TMEM130: variants seen among roughly 807,000 people sequenced by gnomAD.
TMEM130 encodes transmembrane protein 130.
In TMEM130, 37 loss-of-function variants were observed where a neutral mutation model predicts 42.9. That is an observed-to-expected ratio of 0.86 (90% CI 0.66 to 1.13). TMEM130 has a LOEUF of 1.13. Among genes scored for constraint, TMEM130 ranks in the 50% most tolerant of loss-of-function variants. The pLI is 0.00. For synonymous variants in TMEM130, 259 were observed against 237.7 expected (o/e 1.09, Z -0.82); for missense variants, 545 against 562.6 (o/e 0.97, Z 0.32).
chr7:98,857,857 T>C (rs1160911669), intron 3 of TMEM130, among the ~76,000 whole-genome samples: 2 of 151,454 alleles, frequency 1.3e-5, no homozygotes, highest in Non-Finnish European at 2.9e-5. Flanking sequence ...CCCAAGTAGC[T>C]GGGAATACAG....
intron 5 of TMEM130, 111 bp downstream of exon 5, chr7:98,855,129 T>C (rs1794596471): frequency 4.7e-6 from 4 of 850,842 alleles, no homozygotes; most frequent in Non-Finnish European, 7.0e-6. Context: ...TGCCCTTCCA[T>C]GAGGTCCCAG....
chr7:98,868,804 T>G (rs1361298989), intron 1 of TMEM130, among the ~76,000 whole-genome samples: 1 of 152,226 alleles, frequency 6.6e-6, no homozygotes, highest in Non-Finnish European at 1.5e-5. Flanking sequence ...TGAAAATCTC[T>G]GACACAAATC....
At chr7:98,862,408 CAGAG>C (rs1360060537) in intron 2 of TMEM130, among the ~76,000 whole-genome samples, 10 of 147,462 alleles carry the variant, frequency 6.8e-5, no homozygotes, top group Non-Finnish European at 1.3e-4. Context: ...GAGAGAAGGA[CAGAG>C]AGAGACAGAA....
At chr7:98,866,375 A>C (rs1484359295) in intron 1 of TMEM130, 5 of 152,262 alleles carry the variant, frequency 3.3e-5, no homozygotes, top group African/African-American at 4.8e-5. Context: ...AACAGGGTGG[A>C]AAACCCCTCT....
In TMEM130 at chr7:98,848,655, A is replaced by C. The variant is rs782135173; in HGVS notation, c.1047T>G (p.Leu349=). 6.2e-7 allele frequency: 1 copy of C among 1,614,142 alleles called. No individual in the cohort carries two copies. The highest frequency in any genetic ancestry group is 8.5e-7 in the Non-Finnish European group (1 of 1,179,972). Residue 349 remains leucine, a synonymous_variant, in exon 7 of 8, where the codon CTT becomes CTG. Transcript: ENST00000339375. ...TGATGAAGGCCAACATCACAGTGAT[A>C]AGTGTAGCACATGGGAAAGCAAAGA... ...PAVFAFPCAT[L]ITVMLAFIMY...
At chr7:98,860,068 C>CAA (rs113732793) in intron 3 of TMEM130, 111 bp downstream of exon 3, 17,410 of 817,538 alleles carry the variant, frequency 0.021, 1 homozygote, top group Middle Eastern at 0.024. Flanking sequence ...GACTGCATCT[C>CAA]AAAAAAAAAA....
intron 3 of TMEM130, among the ~76,000 whole-genome samples, chr7:98,859,149 G>T (rs782344055): frequency 6.6e-6 from 1 of 151,740 alleles, no homozygotes; most frequent in East Asian, 1.9e-4. Context: ...AAGGGAGTAG[G>T]GCCAAGCATG....
In TMEM130 at chr7:98,869,794, G is replaced by C. The variant is rs782142373; in HGVS notation, c.68C>G (p.Pro23Arg). Reference protein sequence around the residue: ...LWLACLLPWAPAGVAAGLYEL... With the variant: ...LWLACLLPWARAGVAAGLYEL... ...CGCCTTACCTGCGGCCACCCCTGCC[G>C]GGGCCCAGGGCAGGAGGCAGGCAAG... The change falls in exon 1 of 8, where the codon CCG becomes CGG. Residue 23 changes from proline to arginine, a missense_variant. Physicochemically the swap from Pro to Arg is moderately radical, Grantham distance 103 (BLOSUM62 -2). Coordinates refer to ENST00000339375, the MANE Select transcript of TMEM130 (RefSeq NM_152913.3). This position sits in a 1 kb window ranked among gnomAD's most constrained non-coding sequence, Gnocchi z 4.7. 17 of 1,430,052 alleles carry C rather than the reference G, an allele frequency of 1.2e-5. No individual in the cohort carries two copies. In the South Asian group the frequency reaches 2.3e-4, roughly 19 times the overall value. 88.6% of individuals were successfully genotyped at this position (1,430,052 alleles called of 1,614,324 possible). A position where few individuals can be genotyped will look rare whatever the true frequency, so the allele number is the denominator to read the frequency against.
intron 3 of TMEM130, among the ~76,000 whole-genome samples, chr7:98,858,534 CTTGT>C (rs1794684819): frequency 6.6e-6 from 1 of 151,870 alleles, no homozygotes; most frequent in African/African-American, 2.4e-5. Context: ...AGAGCAAGAC[CTTGT>C]CTCTAAAAAT....
intron 2 of TMEM130, among the ~76,000 whole-genome samples, chr7:98,861,999 T>C (rs1016365101): frequency 1.3e-5 from 2 of 152,320 alleles, no homozygotes; most frequent in East Asian, 3.9e-4. Context: ...ACAAACTCAT[T>C]GTAAGGGTCA....
rs782052046 is a variant in TMEM130, at chr7:98,860,198, T to C, written c.532A>G (p.Ser178Gly). 14 of 1,613,538 alleles carry C rather than the reference T, an allele frequency of 8.7e-6. No homozygotes were observed. Among genetic ancestry groups the C allele is most frequent in the Non-Finnish European group, 1.1e-5 (13 of 1,179,772 alleles). ...ACCTACCCGTCCCCGAAGTCCCAGC[T>C]GTAGAGAAACAAGGCGGTCTTGAGG... Reference protein sequence around the residue: ...NFLKTALFLYSWDFGDGTQMV... With the variant: ...NFLKTALFLYGWDFGDGTQMV... The change falls in exon 3 of 8, where the codon AGC (serine) becomes GGC (glycine). Residue 178 changes from serine to glycine, a missense_variant. Transcript: ENST00000339375.
At chr7:98,851,331 G>T in intron 6 of TMEM130, 90 bp downstream of exon 6, 3 of 1,350,188 alleles carry the variant, frequency 2.2e-6, no homozygotes, top group Non-Finnish European at 3.2e-6. Context: ...TGGTAAGGCT[G>T]GCTGGTAGGA....
Position 98,847,887 on chromosome 7 carries a change from CAGAG to C in TMEM130, c.*165_*168del. 1.6e-6 allele frequency: 1 copy of C among 630,922 alleles called. No homozygotes were observed. The highest frequency in any genetic ancestry group is 1.8e-5 in the African/African-American group (1 of 54,358). The allele number at this position is 630,922 out of a possible 1,614,324, so 39.1% of individuals were successfully genotyped here. A position where few individuals can be genotyped will look rare whatever the true frequency, so the allele number is the denominator to read the frequency against. On this transcript the variant is annotated 3_prime_UTR_variant, in exon 8 of 8. Coordinates refer to ENST00000339375, the MANE Select transcript of TMEM130 (RefSeq NM_152913.3). ...GGTGAATGGCTGGGGTCAGGGGTGA[CAGAG>C]AGGGAGGGGCTTGTGGCAGTGGCTG...
intron 5 of TMEM130, among the ~76,000 whole-genome samples, chr7:98,854,265 A>G (rs1234078079): frequency 1.3e-5 from 2 of 152,116 alleles, no homozygotes; most frequent in African/African-American, 4.8e-5. Context: ...ACATCTGGAC[A>G]TGTGAAGGGA....
chr7:98,869,421 C>T lies in TMEM130; in HGVS notation c.85+356G>A, dbSNP rs1794977869. On this transcript the variant is annotated intron_variant, in intron 1 of 7. Transcript: ENST00000339375. This position sits in a 1 kb window ranked among gnomAD's most constrained non-coding sequence, Gnocchi z 4.7. ...TGTGGCGCGATGACGGACCCTGGCGCATCCCCGCCTCCCTGCCTCGTCCTC... is the reference window on the plus strand; with the variant it reads ...TGTGGCGCGATGACGGACCCTGGCGTATCCCCGCCTCCCTGCCTCGTCCTC... The T allele has an allele frequency of 8.3e-7, 1 of 1,209,458 alleles. No individual in the cohort carries two copies. Among genetic ancestry groups the T allele is most frequent in the Admixed American group, 3.9e-5 (1 of 25,346 alleles). The allele number at this position is 1,209,458 out of a possible 1,614,324, so 74.9% of individuals were successfully genotyped here. A position where few individuals can be genotyped will look rare whatever the true frequency, so the allele number is the denominator to read the frequency against.
At chr7:98,853,268 C>G (rs528098566) in intron 5 of TMEM130, among the ~76,000 whole-genome samples, 2 of 152,176 alleles carry the variant, frequency 1.3e-5, no homozygotes, top group East Asian at 3.9e-4. Flanking sequence ...CTTCCCCTGG[C>G]CTGCATTGCT....
intron 1 of TMEM130, among the ~76,000 whole-genome samples, chr7:98,868,504 C>A (rs1794959620): frequency 6.6e-6 from 1 of 152,220 alleles, no homozygotes; most frequent in Admixed American, 6.5e-5. Flanking sequence ...ACCCAAAACA[C>A]TTCCAAAGAG....
intron 3 of TMEM130, among the ~76,000 whole-genome samples, chr7:98,857,115 T>A (rs1318284113): frequency 6.6e-6 from 1 of 151,936 alleles, no homozygotes; most frequent in Non-Finnish European, 1.5e-5. Flanking sequence ...AGAGACGAGG[T>A]ATCACTATGT....
At chr7:98,850,777 A>G (rs142995391) in intron 6 of TMEM130, among the ~76,000 whole-genome samples, 3 of 152,130 alleles carry the variant, frequency 2.0e-5, no homozygotes, top group Non-Finnish European at 4.4e-5. Flanking sequence ...GAGTAGAGTT[A>G]CTGTTGGGGA....
Sources: allele counts gnomAD v4.1 joint callset (sites outside exome capture counted in the v4.1 genomes callset), GRCh38; gene constraint gnomAD v4.1.1; non-coding constraint Gnocchi (gnomAD v3.1); transcripts MANE v1.5; gene names NCBI Gene and HGNC (gene_info 2026-07-23, HGNC 2026-07-21).